Variants in GRID2 observed in about 807,000 individuals in gnomAD.
GRID2 encodes the protein glutamate ionotropic receptor delta type subunit 2.
Under a neutral mutation model 114.8 loss-of-function variants are expected in GRID2, and 33 were observed. The observed-to-expected ratio is 0.29, with a 90% confidence interval of 0.22 to 0.38. The LOEUF (loss-of-function observed/expected upper bound fraction) is 0.38, where lower values mean the gene tolerates loss of function less well. GRID2 is among the 10% of genes least tolerant of loss of function. The pLI is 1.00. For synonymous variants in GRID2, 505 were observed against 449.9 expected, an observed-to-expected ratio of 1.12 and a Z score of -1.55; for missense variants, 1,184 against 1,257.7, an observed-to-expected ratio of 0.94 and a Z score of 0.89.
At chr4:93,691,882 A>G (rs528449876) in intron 14 of GRID2, among the ~76,000 whole-genome samples, 88 of 152,066 alleles carry the variant, frequency 5.8e-4, no homozygotes, top group Non-Finnish European at 7.7e-4. Context: ...AAATATAAGT[A>G]TATTTAAATA....
At chr4:92,986,581 T>C (rs1754519941) in intron 2 of GRID2, among the ~76,000 whole-genome samples, 1 of 152,244 alleles carries the variant, frequency 6.6e-6, no homozygotes, top group Admixed American at 6.5e-5. Flanking sequence ...TGTAGCAATG[T>C]TAACTTTCTG....
intron 1 of GRID2, among the ~76,000 whole-genome samples, chr4:92,392,109 A>G (rs1489466229): frequency 6.6e-6 from 1 of 152,218 alleles, no homozygotes; most frequent in African/African-American, 2.4e-5. Flanking sequence ...TGATTGACCT[A>G]GGATGCACTT....
At chr4:92,942,933 A>G (rs1751283315) in intron 2 of GRID2, among the ~76,000 whole-genome samples, 1 of 152,212 alleles carries the variant, frequency 6.6e-6, no homozygotes, top group Non-Finnish European at 1.5e-5. Flanking sequence ...TTCTGCCGAG[A>G]GATCTGCTGT....
At chr4:92,886,899 A>G (rs1746411132) in intron 2 of GRID2, among the ~76,000 whole-genome samples, 1 of 152,218 alleles carries the variant, frequency 6.6e-6, no homozygotes, top group South Asian at 2.1e-4. Flanking sequence ...TGCTGGGATT[A>G]TAGGCGTGAG....
chr4:93,307,157 G>C (rs1470103497), intron 8 of GRID2, among the ~76,000 whole-genome samples: 1 of 150,832 alleles, frequency 6.6e-6, no homozygotes, highest in Non-Finnish European at 1.5e-5. Context: ...AGCCGAGATA[G>C]CGCCACTACA....
intron 14 of GRID2, among the ~76,000 whole-genome samples, chr4:93,684,341 A>G (rs1473650975): frequency 1.3e-5 from 2 of 152,146 alleles, no homozygotes; most frequent in Non-Finnish European, 1.5e-5. Flanking sequence ...CACTTAAAAG[A>G]TCTTAGTTTG....
intron 1 of GRID2, among the ~76,000 whole-genome samples, chr4:92,384,583 T>TAA (rs369279524): frequency 2.5e-5 from 1 of 40,084 alleles, no homozygotes. Flanking sequence ...ATAAAATATA[T>TAA]TATATTATAT....
intron 4 of GRID2, among the ~76,000 whole-genome samples, chr4:93,171,364 T>C (rs112977573): frequency 9.9e-5 from 15 of 152,266 alleles, no homozygotes; most frequent in African/African-American, 2.9e-4. Flanking sequence ...GTTTAAACAT[T>C]GTCTTCTCAA....
At chr4:92,573,196 A>C (rs141601054) in intron 1 of GRID2, among the ~76,000 whole-genome samples, 1 of 152,002 alleles carries the variant, frequency 6.6e-6, no homozygotes, top group African/African-American at 2.4e-5. Context: ...GATTGCATTT[A>C]TTTGAATATT....
At chr4:93,504,843 A>G (rs1404018978) in intron 12 of GRID2, among the ~76,000 whole-genome samples, 1 of 152,160 alleles carries the variant, frequency 6.6e-6, no homozygotes, top group Non-Finnish European at 1.5e-5. Flanking sequence ...AATGGAAGTA[A>G]TATATCTTAT....
chr4:93,019,208 T>G (rs1258135098), intron 2 of GRID2, among the ~76,000 whole-genome samples: 1 of 152,204 alleles, frequency 6.6e-6, no homozygotes, highest in Non-Finnish European at 1.5e-5. Context: ...TACACATTCA[T>G]ATACACACAC....
intron 2 of GRID2, among the ~76,000 whole-genome samples, chr4:92,851,673 C>G (rs1039978077): frequency 6.6e-6 from 1 of 151,914 alleles, no homozygotes; most frequent in African/African-American, 2.4e-5. Flanking sequence ...ACTTAAAACA[C>G]TTGTTCAACT....
At chr4:93,732,805 C>T (rs1408543855) in intron 14 of GRID2, among the ~76,000 whole-genome samples, 1 of 152,040 alleles carries the variant, frequency 6.6e-6, no homozygotes, top group Non-Finnish European at 1.5e-5. Flanking sequence ...CAGCTTCTCA[C>T]ATTGCTTTAG....
intron 7 of GRID2, among the ~76,000 whole-genome samples, chr4:93,233,300 C>T (rs1433990891): frequency 2.0e-5 from 3 of 151,040 alleles, no homozygotes; most frequent in African/African-American, 4.9e-5. Flanking sequence ...CAAGGAATAA[C>T]GTGACACTGA....
Position 93,204,253 on chromosome 4 carries a change from G to A in GRID2, c.736-3151G>A, listed in dbSNP as rs547700532. Among the ~76,000 whole-genome samples, 7 of 152,166 alleles carry A rather than the reference G, an allele frequency of 4.6e-5. No homozygotes were observed. The East Asian group carries it at 5.8e-4, about 13-fold the overall frequency. Reference sequence around the variant, plus strand: ...TAGAATAGTTGGTCCAATAGAACTCGTAGGAGACCTGTTAACTTGAGGACC... The same window carrying A: ...TAGAATAGTTGGTCCAATAGAACTCATAGGAGACCTGTTAACTTGAGGACC... On this transcript the variant is annotated intron_variant, in intron 4 of 15. Transcript: ENST00000282020.
At chr4:93,225,173 T>C (rs1375660120) in intron 7 of GRID2, among the ~76,000 whole-genome samples, 2 of 152,222 alleles carry the variant, frequency 1.3e-5, no homozygotes, top group Non-Finnish European at 2.9e-5. Context: ...GGTAAGACAC[T>C]GGATGTGATG....
At chr4:92,543,609 G>A (rs1579552854) in intron 1 of GRID2, among the ~76,000 whole-genome samples, 1 of 152,104 alleles carries the variant, frequency 6.6e-6, no homozygotes, top group East Asian at 1.9e-4. Context: ...AGATGATTAA[G>A]TTTTTTCTAA....
At chr4:92,675,551 A>ATTT (rs576488084) in intron 2 of GRID2, among the ~76,000 whole-genome samples, 25 of 133,010 alleles carry the variant, frequency 1.9e-4, no homozygotes, top group African/African-American at 3.6e-4. Flanking sequence ...TTGGGCTACA[A>ATTT]TTTTTTTTTT....
intron 13 of GRID2, among the ~76,000 whole-genome samples, chr4:93,589,592 G>T (rs1387606752): frequency 1.3e-5 from 2 of 151,984 alleles, no homozygotes; most frequent in Non-Finnish European, 2.9e-5. Context: ...TGGGTCAAAT[G>T]GTATTTCTAG....
Sources: allele counts gnomAD v4.1 joint callset (sites outside exome capture counted in the v4.1 genomes callset), GRCh38; gene constraint gnomAD v4.1.1; transcripts MANE v1.5; gene names NCBI Gene and HGNC (gene_info 2026-07-23, HGNC 2026-07-21).